The following ZNF227 variants were observed in gnomAD, a reference collection of about 807,000 sequenced individuals.
The protein encoded by ZNF227 is zinc finger protein 227.
A neutral mutation model predicts 13.2 loss-of-function variants in ZNF227; 12 were observed. The observed-to-expected ratio is 0.91, with a 90% confidence interval of 0.58 to 1.47. The LOEUF is 1.47. ZNF227 is among the 40% of genes most tolerant of loss of function. The pLI is 0.00. For missense variants in ZNF227, 885 were observed against 967.5 expected (o/e 0.91, Z 1.13); for synonymous variants, 338 against 326.0 (o/e 1.04, Z -0.40).
chr19:44,220,021 A>T (rs1972307272), intron 3 of ZNF227, among the ~76,000 whole-genome samples: 2 of 151,954 alleles, frequency 1.3e-5, no homozygotes, highest in East Asian at 3.9e-4. Flanking sequence ...ATGAGTGAGA[A>T]CATGCAGCGT....
chr19:44,230,198 A>AGAGAT (rs1319264362), intron 5 of ZNF227, among the ~76,000 whole-genome samples: 1 of 151,996 alleles, frequency 6.6e-6, no homozygotes, highest in Non-Finnish European at 1.5e-5. Context: ...TATTTTTTGT[A>AGAGAT]GAGATGAGGT....
Position 44,236,681 on chromosome 19 carries a change from A to T in ZNF227, c.2251A>T (p.Lys751Ter). The change falls in exon 6 of 6, where the codon AAA becomes TAA. Residue 751 changes from lysine to a stop codon, truncating the protein, a stop_gained. Transcript: ENST00000313040. LOFTEE classifies it low-confidence loss of function (END_TRUNC). ...EKLFKCEECG[K>*]GFSQSARLEA... ...ACTCTTTAAATGTGAAGAGTGTGGTAAAGGCTTCAGTCAGAGTGCACGTCT... is the reference window on the plus strand; with the variant it reads ...ACTCTTTAAATGTGAAGAGTGTGGTTAAGGCTTCAGTCAGAGTGCACGTCT... The T allele has an allele frequency of 6.2e-7, 1 of 1,614,156 alleles. No homozygotes were observed. Among genetic ancestry groups the T allele is most frequent in the South Asian group, 1.1e-5 (1 of 91,090 alleles).
intron 2 of ZNF227, among the ~76,000 whole-genome samples, chr19:44,216,372 C>T (rs1971881813): frequency 6.6e-6 from 1 of 151,878 alleles, no homozygotes; most frequent in Non-Finnish European, 1.5e-5. Flanking sequence ...ATTGTTATTT[C>T]TTTTAGGTCA....
At chr19:44,209,863 G>A (rs1204363803), upstream of ZNF227, among the ~76,000 whole-genome samples, 4 of 152,168 alleles carry the variant, frequency 2.6e-5, no homozygotes, top group Non-Finnish European at 5.9e-5. Context: ...TGGGATTACA[G>A]GCGTGAGCCA....
Position 44,236,852 on chromosome 19 carries a change from CT to C in ZNF227, c.*26del. ...TTAGAAATGAGAAATGTGTTACCAA[CT>C]TTTGTCTGAATGCACATCTTCAAGT... On this transcript the variant is annotated 3_prime_UTR_variant, in exon 6 of 6. Transcript: ENST00000313040. The C allele has an allele frequency of 6.5e-7, 1 of 1,534,268 alleles. No individual in the cohort carries two copies. The highest frequency in any genetic ancestry group is 8.8e-7 in the Non-Finnish European group (1 of 1,142,764).
intron 3 of ZNF227, among the ~76,000 whole-genome samples, chr19:44,221,348 C>A (rs1972493638): frequency 1.3e-5 from 2 of 152,318 alleles, no homozygotes; most frequent in South Asian, 4.1e-4. Flanking sequence ...CTGACTTCCA[C>A]AATGGTTGAA....
Position 44,237,080 on chromosome 19 carries a change from T to G in ZNF227, c.*250T>G. ...AGTTAATATAAATGATCACCTTTCA[T>G]TGTGAATATATGCCTGAAGATAATG... is the stretch of plus-strand genomic sequence containing the variant. On this transcript the variant is annotated 3_prime_UTR_variant, in exon 6 of 6. Coordinates refer to ENST00000313040, the MANE Select transcript of ZNF227 (RefSeq NM_182490.3). 1 of 389,682 alleles carries G rather than the reference T, an allele frequency of 2.6e-6. No homozygotes were observed. The allele number at this position is 389,682 out of a possible 1,614,324, so 24.1% of individuals were successfully genotyped here.
At chr19:44,225,478 T>C (rs915917474) in intron 3 of ZNF227, among the ~76,000 whole-genome samples, 4 of 152,214 alleles carry the variant, frequency 2.6e-5, no homozygotes, top group Non-Finnish European at 5.9e-5. Flanking sequence ...TTTTATTCTT[T>C]TTTCTCTGAA....
At chr19:44,209,301 A>G (rs1013218521), upstream of ZNF227, among the ~76,000 whole-genome samples, 1 of 152,114 alleles carries the variant, frequency 6.6e-6, no homozygotes, top group African/African-American at 2.4e-5. Flanking sequence ...TCTCCCACAT[A>G]TGTTTTTGGT....
chr19:44,209,101 TA>T (rs910646634), upstream of ZNF227, among the ~76,000 whole-genome samples: 18 of 152,188 alleles, frequency 1.2e-4, no homozygotes, highest in Admixed American at 4.6e-4. Flanking sequence ...GATTTAGAGA[TA>T]ACCACTGCTA....
At chr19:44,217,346 A>G (rs1342306002) in intron 2 of ZNF227, 2 of 440,870 alleles carry the variant, frequency 4.5e-6, no homozygotes, top group African/African-American at 2.0e-5. Context: ...CTCTCCATCT[A>G]CTTATTTAAT....
chr19:44,217,731 C>T, intron 2 of ZNF227, 60 bp from the exon 3 acceptor site: 3 of 1,569,052 alleles, frequency 1.9e-6, no homozygotes, highest in Non-Finnish European at 1.8e-6. Flanking sequence ...CTAATTTCCT[C>T]ATATGTACAC....
At chr19:44,225,893 T>C (rs866420863) in intron 3 of ZNF227, among the ~76,000 whole-genome samples, 17 of 152,192 alleles carry the variant, frequency 1.1e-4, no homozygotes, top group South Asian at 2.1e-4. Context: ...ATCTTTATGG[T>C]TTTATCTAGT....
chr19:44,223,162 T>G (rs1286759479), intron 3 of ZNF227, among the ~76,000 whole-genome samples: 3 of 152,214 alleles, frequency 2.0e-5, no homozygotes, highest in Non-Finnish European at 2.9e-5. Flanking sequence ...TGGATTTGGT[T>G]TGCCAGTATT....
At chr19:44,230,295 G>A (rs184473557) in intron 5 of ZNF227, among the ~76,000 whole-genome samples, 78 of 152,302 alleles carry the variant, frequency 5.1e-4, no homozygotes, top group African/African-American at 1.7e-3. Flanking sequence ...GATTACAGAT[G>A]TGAGTTGCCG....
chr19:44,221,662 G>C (rs1322842537), intron 3 of ZNF227, among the ~76,000 whole-genome samples: 2 of 152,040 alleles, frequency 1.3e-5, no homozygotes, highest in African/African-American at 4.8e-5. Flanking sequence ...CTGGATATTA[G>C]CCCTTTGTCA....
chr19:44,212,689 C>T (rs1441529318), intron 1 of ZNF227, 104 bp downstream of exon 1: 1 of 152,158 alleles, frequency 6.6e-6, no homozygotes, highest in Non-Finnish European at 1.5e-5. Context: ...AGGTCGCGGC[C>T]GCGGCGGAGG....
At chr19:44,230,926 A>AAAATATAT (rs1555792168) in intron 5 of ZNF227, among the ~76,000 whole-genome samples, 1 of 68,112 alleles carries the variant, frequency 1.5e-5, no homozygotes, top group African/African-American at 9.8e-5. Flanking sequence ...AAAAAAAAAA[A>AAAATATAT]ATATATATAT....
At chr19:44,229,267 T>C (rs1393066146) in intron 4 of ZNF227, 1 of 152,348 alleles carries the variant, frequency 6.6e-6, no homozygotes, top group East Asian at 1.9e-4. Flanking sequence ...TGAACTAGGC[T>C]ACAACCTAAA....
Sources: allele counts gnomAD v4.1 joint callset (sites outside exome capture counted in the v4.1 genomes callset), GRCh38; gene constraint gnomAD v4.1.1; transcripts MANE v1.5; gene names NCBI Gene and HGNC (gene_info 2026-07-23, HGNC 2026-07-21).